Variants in TSPAN3 observed in about 807,000 individuals in gnomAD.
The protein encoded by TSPAN3 is tetraspanin 3.
Under a neutral mutation model 31.1 loss-of-function variants are expected in TSPAN3, and 9 were observed. The observed-to-expected ratio is 0.29, with a 90% confidence interval of 0.17 to 0.50. TSPAN3 has a LOEUF of 0.50. Among genes scored for constraint, TSPAN3 ranks in the 20% least tolerant of loss-of-function variants. The pLI, the probability that TSPAN3 is intolerant of heterozygous loss-of-function variation, is 0.98. For missense variants in TSPAN3, 252 were observed against 313.5 expected, an observed-to-expected ratio of 0.80 and a Z score of 1.48; for synonymous variants, 129 against 114.3, an observed-to-expected ratio of 1.13 and a Z score of -0.82.
At chr15:77,066,963 G>T (rs901930116) in intron 1 of TSPAN3, among the ~76,000 whole-genome samples, 4 of 152,194 alleles carry the variant, frequency 2.6e-5, no homozygotes, top group Admixed American at 2.6e-4. Flanking sequence ...GACATCACAC[G>T]TGGTGAGGGG....
At chr15:77,047,982 C>A (rs1325685347) in intron 6 of TSPAN3, among the ~76,000 whole-genome samples, 1 of 152,132 alleles carries the variant, frequency 6.6e-6, no homozygotes, top group African/African-American at 2.4e-5. Context: ...AATCTGAATT[C>A]TCCATGGTAT....
rs964341476 is a variant in TSPAN3, at chr15:77,044,107, C to T, written c.*2728G>A. 6.6e-6 allele frequency: 1 copy of T among 152,002 alleles called. No individual in the cohort carries two copies. Among genetic ancestry groups the T allele is most frequent in the Admixed American group, 6.5e-5 (1 of 15,274 alleles). 9.4% of individuals were successfully genotyped at this position (152,002 alleles called of 1,614,324 possible). A position where few individuals can be genotyped will look rare whatever the true frequency, so the allele number is the denominator to read the frequency against. On this transcript the variant is annotated 3_prime_UTR_variant, in exon 7 of 7. Transcript: ENST00000267970. Reference sequence around the variant, plus strand: ...TAAAATTAACTTTTTTAAAAGAGGCCATACAATATAGCAGTGGTCCTCAAC... The same window carrying T: ...TAAAATTAACTTTTTTAAAAGAGGCTATACAATATAGCAGTGGTCCTCAAC...
At chr15:77,056,906 G>C (rs2076772151) in intron 1 of TSPAN3, among the ~76,000 whole-genome samples, 1 of 152,328 alleles carries the variant, frequency 6.6e-6, no homozygotes, top group African/African-American at 2.4e-5. Flanking sequence ...CTGAGGATCT[G>C]AATAACAAGC....
At chr15:77,058,195 G>A (rs2076780098) in intron 1 of TSPAN3, among the ~76,000 whole-genome samples, 1 of 151,962 alleles carries the variant, frequency 6.6e-6, no homozygotes, top group South Asian at 2.1e-4. Flanking sequence ...TACTACCAGG[G>A]TTATATTTAT....
At chr15:77,065,883 C>A (rs932259752) in intron 1 of TSPAN3, among the ~76,000 whole-genome samples, 2 of 152,076 alleles carry the variant, frequency 1.3e-5, no homozygotes, top group Non-Finnish European at 2.9e-5. Context: ...TGCGGTACTT[C>A]CCCCACTCTA....
rs996274714 is a variant in TSPAN3 at position 77,052,551 on chromosome 15, A to G, written c.586-83T>C. 1.3e-5 allele frequency: 18 copies of G among 1,357,548 alleles called. No individual in the cohort carries two copies. In the East Asian group the frequency reaches 3.2e-4, roughly 24 times the overall value. 84.1% of individuals were successfully genotyped at this position (1,357,548 alleles called of 1,614,324 possible). A position where few individuals can be genotyped will look rare whatever the true frequency, so the allele number is the denominator to read the frequency against. ...TTCACAGGCCACTACCCACTTACAG[A>G]AAGGAAAATGACAGAAACTGAAAGA... is the stretch of plus-strand genomic sequence containing the variant. On this transcript the variant is annotated intron_variant, in intron 5 of 6. Transcript: ENST00000267970.
intron 4 of TSPAN3, among the ~76,000 whole-genome samples, chr15:77,053,817 T>G (rs2076749586): frequency 6.6e-6 from 1 of 152,118 alleles, no homozygotes; most frequent in Admixed American, 6.5e-5. Context: ...TTTCTTATCT[T>G]GTTTTCTAAA....
intron 5 of TSPAN3, 146 bp from the exon 6 acceptor site, chr15:77,052,614 CATGT>C (rs1266299648): frequency 1.0e-5 from 11 of 1,092,784 alleles, no homozygotes; most frequent in Admixed American, 5.0e-5. Context: ...AATTTACAGA[CATGT>C]AATTAAAACA....
At chr15:77,064,856 G>T (rs1449637376) in intron 1 of TSPAN3, 1 of 152,234 alleles carries the variant, frequency 6.6e-6, no homozygotes, top group Non-Finnish European at 1.5e-5. Context: ...ACAAATTCCA[G>T]GATATCAGAT....
rs899658310 is a variant in TSPAN3 at position 77,046,516 on chromosome 15, T to A, written c.*319A>T. 14 of 449,512 alleles carry A rather than the reference T, an allele frequency of 3.1e-5. No homozygotes were observed. The highest frequency in any genetic ancestry group is 4.7e-5 in the Non-Finnish European group (12 of 255,376). The allele number at this position is 449,512 out of a possible 1,614,324, so 27.8% of individuals were successfully genotyped here. A position where few individuals can be genotyped will look rare whatever the true frequency, so the allele number is the denominator to read the frequency against. On this transcript the variant is annotated 3_prime_UTR_variant, in exon 7 of 7. Transcript: ENST00000267970. Reference sequence around the variant, plus strand: ...GGTGACATTTCGGCATCAGTCCTGTTACCACTTGGAGGTAACAGAAGCAGG... The same window carrying A: ...GGTGACATTTCGGCATCAGTCCTGTAACCACTTGGAGGTAACAGAAGCAGG...
chr15:77,069,216 A>C (rs568151075), intron 1 of TSPAN3, among the ~76,000 whole-genome samples: 18 of 152,336 alleles, frequency 1.2e-4, no homozygotes, highest in Non-Finnish European at 2.4e-4. Context: ...TATGAGAATT[A>C]ATGACTTAAT....
rs754196430 is a variant in TSPAN3, at chr15:77,070,922, G to C, written c.33C>G (p.Thr11=). The C allele has an allele frequency of 8.4e-6, 12 of 1,433,082 alleles. No individual in the cohort carries two copies. The highest frequency in any genetic ancestry group is 1.5e-5 in the African/African-American group (1 of 67,058). The allele number at this position is 1,433,082 out of a possible 1,614,324, so 88.8% of individuals were successfully genotyped here. Residue 11 remains threonine (T), a synonymous_variant, in exon 1 of 7, where the codon ACC becomes ACG. Transcript: ENST00000267970. MGQCGITSSK[T]VLVFLNLIFW... ...AGATGAGGTTGAGAAAGACCAGCAC[G>C]GTCTTGGAGGAGGTGATGCCGCACT...
At chr15:77,059,888 T>G (rs2076790377) in intron 1 of TSPAN3, among the ~76,000 whole-genome samples, 2 of 152,178 alleles carry the variant, frequency 1.3e-5, no homozygotes. Context: ...TCACACTTAG[T>G]GCTGCTTGGA....
At chr15:77,069,312 G>A (rs2076852591) in intron 1 of TSPAN3, among the ~76,000 whole-genome samples, 1 of 152,148 alleles carries the variant, frequency 6.6e-6, no homozygotes, top group South Asian at 2.1e-4. Flanking sequence ...TATTAAATTA[G>A]CAAAAGATGC....
intron 6 of TSPAN3, among the ~76,000 whole-genome samples, chr15:77,047,585 A>G (rs907245869): frequency 6.6e-6 from 1 of 152,202 alleles, no homozygotes; most frequent in African/African-American, 2.4e-5. Context: ...TATTACATAC[A>G]TATTACTTTT....
chr15:77,060,262 T>C (rs753234103), intron 1 of TSPAN3, among the ~76,000 whole-genome samples: 2 of 152,252 alleles, frequency 1.3e-5, no homozygotes, highest in African/African-American at 2.4e-5. Flanking sequence ...TGCTTATAAA[T>C]AGACGATGTG....
chr15:77,054,357 T>A, intron 3 of TSPAN3, 78 bp from the exon 4 acceptor site: 1 of 1,038,450 alleles, frequency 9.6e-7, no homozygotes, highest in Non-Finnish European at 1.5e-6. Flanking sequence ...CTAAAATACT[T>A]AAATGAAATG....
rs1237991826 is a variant in TSPAN3, at chr15:77,046,789, C to T, written c.*46G>A. 6.9e-7 allele frequency: 1 copy of T among 1,450,008 alleles called. No homozygotes were observed. The highest frequency in any genetic ancestry group is 9.5e-7 in the Non-Finnish European group (1 of 1,052,238). The allele number at this position is 1,450,008 out of a possible 1,614,324, so 89.8% of individuals were successfully genotyped here. A position where few individuals can be genotyped will look rare whatever the true frequency, so the allele number is the denominator to read the frequency against. ...ACAGCAGCAGACCTGCTCAATTCAC[C>T]TTCCAAATCAGAACAAGACCAAAAA... On this transcript the variant is annotated 3_prime_UTR_variant, in exon 7 of 7. Transcript: ENST00000267970.
At chr15:77,047,584 C>T (rs2076702705) in intron 6 of TSPAN3, among the ~76,000 whole-genome samples, 1 of 152,142 alleles carries the variant, frequency 6.6e-6, no homozygotes, top group Admixed American at 6.5e-5. Context: ...GTATTACATA[C>T]ATATTACTTT....
Sources: gnomAD v4.1 joint callset for allele counts (sites outside exome capture counted in the v4.1 genomes callset) on GRCh38, gnomAD v4.1.1 for gene constraint, MANE v1.5 for transcripts, NCBI Gene and HGNC (gene_info 2026-07-23, HGNC 2026-07-21) for gene names.